Variants in SLC4A8 observed in about 807,000 individuals in gnomAD.
The protein encoded by SLC4A8 is electroneutral sodium bicarbonate exchanger 1.
A neutral mutation model predicts 125.0 loss-of-function variants in SLC4A8; 40 were observed. The ratio of observed to expected loss-of-function variants is 0.32; its 90% confidence interval spans 0.25 to 0.42. The LOEUF (loss-of-function observed/expected upper bound fraction) is 0.42. Among genes scored for constraint, SLC4A8 ranks in the 10% least tolerant of loss-of-function variants. The pLI, the probability that SLC4A8 is intolerant of heterozygous loss-of-function variation, is 1.00. For missense variants in SLC4A8, 863 were observed against 1,355.1 expected (o/e 0.64, Z 5.70); for synonymous variants, 456 against 476.0 (o/e 0.96, Z 0.55).
intron 2 of SLC4A8, among the ~76,000 whole-genome samples, chr12:51,448,010 C>T (rs192721849): frequency 1.4e-4 from 21 of 152,234 alleles, no homozygotes; most frequent in African/African-American, 4.6e-4. Flanking sequence ...TGAGCCACCA[C>T]GTCCGGCTGG....
chr12:51,495,641 A>G (rs1951443096), intron 21 of SLC4A8, among the ~76,000 whole-genome samples: 1 of 151,540 alleles, frequency 6.6e-6, no homozygotes, highest in Non-Finnish European at 1.5e-5. Flanking sequence ...ACACCCAGCT[A>G]ATTTTTTTTG....
At chr12:51,458,685 T>C (rs1950230266) in intron 7 of SLC4A8, 35 bp downstream of exon 7, 1 of 1,425,632 alleles carries the variant, frequency 7.0e-7, no homozygotes, top group Non-Finnish European at 9.9e-7. Context: ...CTTCAAGGCC[T>C]AAGGTTCCTT....
chr12:51,405,013 G>A (rs1024032823), intron 1 of SLC4A8, among the ~76,000 whole-genome samples: 2 of 152,178 alleles, frequency 1.3e-5, no homozygotes, highest in Non-Finnish European at 2.9e-5. Context: ...CTATGTTCAT[G>A]AAAATCCAGG....
chr12:51,513,903 G>T lies in SLC4A8; in HGVS notation c.*6465G>T, dbSNP rs181763655. The T allele has an allele frequency of 2.6e-5, 4 of 152,292 alleles. No individual in the cohort carries two copies. The highest frequency in any genetic ancestry group is 4.8e-5 in the African/African-American group (2 of 41,554). 9.4% of individuals were successfully genotyped at this position (152,292 alleles called of 1,614,324 possible). On this transcript the variant is annotated 3_prime_UTR_variant, in exon 25 of 25. Coordinates refer to ENST00000453097, the MANE Select transcript of SLC4A8 (RefSeq NM_001039960.3). ...CTGTAGTTTCTGGTTGTCCAAAAAA[G>T]ATAGTTCTTAGTCCTACTTTATTTT...
intron 1 of SLC4A8, among the ~76,000 whole-genome samples, chr12:51,439,330 A>G (rs1360247667): frequency 6.6e-6 from 1 of 152,198 alleles, no homozygotes; most frequent in Non-Finnish European, 1.5e-5. Flanking sequence ...TGTTGGGATT[A>G]CAGGTGTGAG....
intron 14 of SLC4A8, among the ~76,000 whole-genome samples, chr12:51,472,655 A>C (rs1226679557): frequency 6.6e-6 from 1 of 152,164 alleles, no homozygotes; most frequent in Non-Finnish European, 1.5e-5. Context: ...GGCAAACATG[A>C]CAAAGGATCT....
intron 1 of SLC4A8, among the ~76,000 whole-genome samples, chr12:51,426,550 A>AGG (rs1948987635): frequency 6.6e-6 from 1 of 152,194 alleles, no homozygotes; most frequent in Admixed American, 6.5e-5. Context: ...TAAGGAAGAA[A>AGG]ATCTGGGCAA....
intron 8 of SLC4A8, among the ~76,000 whole-genome samples, chr12:51,460,995 C>T (rs995609945): frequency 8.5e-5 from 13 of 152,126 alleles, no homozygotes; most frequent in African/African-American, 2.2e-4. Flanking sequence ...TGAATGATGC[C>T]GCACAATAGC....
At chr12:51,436,762 G>A (rs1340499242) in intron 1 of SLC4A8, among the ~76,000 whole-genome samples, 2 of 152,168 alleles carry the variant, frequency 1.3e-5, no homozygotes. Context: ...AAGTAGCTGG[G>A]ATTATAGGCG....
Position 51,508,061 on chromosome 12 carries a change from A to G in SLC4A8, c.*623A>G. 1 of 152,278 alleles carries G rather than the reference A, an allele frequency of 6.6e-6. No individual in the cohort carries two copies. The highest frequency in any genetic ancestry group is 1.9e-4 in the East Asian group (1 of 5,200). 9.4% of individuals were successfully genotyped at this position (152,278 alleles called of 1,614,324 possible). The stretch of plus-strand genomic sequence containing the variant: ...CACCACAGCCAGGAAGATGCCTCTG[A>G]CCTGGGTGCATCTCCATCACTCCTT... On this transcript the variant is annotated 3_prime_UTR_variant, in exon 25 of 25. Transcript: ENST00000453097.
At chr12:51,417,885 C>T (rs141703488) in intron 1 of SLC4A8, among the ~76,000 whole-genome samples, 144 of 152,210 alleles carry the variant, frequency 9.5e-4, no homozygotes, top group African/African-American at 3.4e-3. Context: ...CTCCTGACCT[C>T]AGGTGATCTG....
At chr12:51,471,219 C>A in intron 13 of SLC4A8, 68 bp from the exon 14 acceptor site, 1 of 1,474,698 alleles carries the variant, frequency 6.8e-7, no homozygotes, top group Non-Finnish European at 9.2e-7. Flanking sequence ...GAATTAACCA[C>A]ATTTCTGACT....
intron 1 of SLC4A8, among the ~76,000 whole-genome samples, chr12:51,429,459 C>T (rs113429828): frequency 0.012 from 1,787 of 152,202 alleles, 34 homozygotes; most frequent in African/African-American, 0.04. Flanking sequence ...TAATGAAGAC[C>T]TACATTAGTC....
rs1184215955 is a variant in SLC4A8 at position 51,392,570 on chromosome 12, T to TC, written c.-112+1083dup. The stretch of plus-strand genomic sequence containing the variant: ...CCTGGCGACAGAGCGAGATTCCGTA[T>TC]CAAAAAAAAAAAAAAAGAAAAAAAG... On this transcript the variant is annotated intron_variant, in intron 1 of 24. Coordinates refer to the SLC4A8 transcript ENST00000358657. Among the ~76,000 whole-genome samples, 9 of 13,174 alleles carry TC rather than the reference T, an allele frequency of 6.8e-4. No individual in the cohort carries two copies. In the East Asian group the frequency reaches 0.011, roughly 16 times the overall value. The allele number at this position is 13,174 out of a possible 152,430, so 8.6% of individuals were successfully genotyped here. A position where few individuals can be genotyped will look rare whatever the true frequency, so the allele number is the denominator to read the frequency against.
intron 1 of SLC4A8, among the ~76,000 whole-genome samples, chr12:51,427,174 G>A (rs1383451418): frequency 8.5e-5 from 13 of 152,060 alleles, no homozygotes; most frequent in East Asian, 3.9e-4. Context: ...TCCTGACCTC[G>A]TGATCTGCCC....
intron 5 of SLC4A8, 33 bp downstream of exon 5, chr12:51,453,732 T>A: frequency 6.3e-7 from 1 of 1,592,336 alleles, no homozygotes; most frequent in Non-Finnish European, 8.6e-7. Flanking sequence ...AGAGCAACTT[T>A]CTTATAAATT....
chr12:51,475,270 C>T, intron 16 of SLC4A8, 64 bp downstream of exon 16: 1 of 1,512,652 alleles, frequency 6.6e-7, no homozygotes, highest in Non-Finnish European at 9.1e-7. Context: ...CTTTTCTCAG[C>T]CTTCATGCTG....
intron 2 of SLC4A8, among the ~76,000 whole-genome samples, chr12:51,447,082 C>T (rs1949796972): frequency 6.6e-6 from 1 of 152,128 alleles, no homozygotes; most frequent in East Asian, 1.9e-4. Context: ...ATCTATCTAT[C>T]TATCTATCTA....
chr12:51,409,450 G>A (rs751011555), intron 1 of SLC4A8, among the ~76,000 whole-genome samples: 2 of 152,078 alleles, frequency 1.3e-5, no homozygotes, highest in Non-Finnish European at 2.9e-5. Context: ...CTAGTCACTC[G>A]CTTCTCTGAA....
Sources: allele counts gnomAD v4.1 joint callset (sites outside exome capture counted in the v4.1 genomes callset), GRCh38; gene constraint gnomAD v4.1.1; transcripts MANE v1.5; gene names NCBI Gene and HGNC (gene_info 2026-07-23, HGNC 2026-07-21).